The following HDAC9 variants were observed in gnomAD, a reference collection of about 807,000 sequenced individuals.
The protein encoded by HDAC9 is histone deacetylase 9, also known as MEF-2 interacting transcription repressor (MITR) protein.
A neutral mutation model predicts 139.4 loss-of-function variants in HDAC9; 41 were observed. The observed-to-expected ratio is 0.29, with a 90% CI of 0.23 to 0.38. The LOEUF (loss-of-function observed/expected upper bound fraction) is 0.38. HDAC9 is among the 10% of genes least tolerant of loss of function. HDAC9 has a pLI of 1.00. For synonymous variants in HDAC9, 517 were observed against 476.2 expected (o/e 1.09, Z -1.12); for missense variants, 1,147 against 1,297.0 (o/e 0.88, Z 1.78).
rs187066116 is a variant in HDAC9, at chr7:18,865,186, G to A, written c.2685-9292G>A. Among the ~76,000 whole-genome samples, 11 of 152,298 alleles carry A rather than the reference G, an allele frequency of 7.2e-5. No homozygotes were observed. The East Asian group carries it at 7.7e-4, about 11-fold the overall frequency. On this transcript the variant is annotated intron_variant, in intron 21 of 25. Coordinates refer to ENST00000686413, the MANE Select transcript of HDAC9 (RefSeq NM_178425.4). ...GTAAAGAGGTAGTATGGGCCCCTCT[G>A]AGGAGGCCATGGCTGTGATCCAGGT... is the stretch of plus-strand genomic sequence containing the variant.
intron 16 of HDAC9, among the ~76,000 whole-genome samples, chr7:18,777,978 T>C (rs145894603): frequency 9.4e-4 from 143 of 152,032 alleles, no homozygotes; most frequent in South Asian, 4.4e-3. Context: ...TTGCTAAAGA[T>C]GCAATTGAAG....
In HDAC9 at chr7:18,585,333, C is replaced by G. The variant is rs779652721; in HGVS notation, c.75C>G (p.Asp25Glu). ...GCCTGGAGCCCATCTCACCTTTAGA[C>G]CTAAGGACAGACCTCAGGATGATGA... ...PVGLEPISPL[D>E]LRTDLRMMMP... The change falls in exon 3 of 26, where the codon GAC becomes GAG. Residue 25 changes from aspartate (D) to glutamate (E), a missense_variant. By Grantham distance (45) the Asp-to-Glu change is conservative. Around this residue, in one of 7 missense-constraint regions of HDAC9, gnomAD observed 136 missense variants for 183.5 expected, o/e 0.74. Transcript: ENST00000686413. 2 of 1,607,168 alleles carry G rather than the reference C, an allele frequency of 1.2e-6. No homozygotes were observed. The highest frequency in any genetic ancestry group is 4.5e-5 in the East Asian group (2 of 44,392).
chr7:18,114,190 A>C (rs550366754), intron 1 of HDAC9, among the ~76,000 whole-genome samples: 1 of 152,242 alleles, frequency 6.6e-6, no homozygotes. Flanking sequence ...TGTTCAAGGT[A>C]GAAAAAGAGG....
At chr7:18,870,248 C>G (rs1336728171) in intron 21 of HDAC9, among the ~76,000 whole-genome samples, 8 of 152,270 alleles carry the variant, frequency 5.3e-5, no homozygotes, top group Non-Finnish European at 1.2e-4. Flanking sequence ...AGAATCCAAT[C>G]CAGCATACTG....
chr7:18,366,055 C>T (rs1195200261), intron 1 of HDAC9, among the ~76,000 whole-genome samples: 1 of 150,752 alleles, frequency 6.6e-6, no homozygotes, highest in African/African-American at 2.5e-5. Context: ...AAATGGCAGG[C>T]TATTTGAAAA....
chr7:18,644,445 T>G (rs1461299391), intron 8 of HDAC9, among the ~76,000 whole-genome samples: 1 of 152,114 alleles, frequency 6.6e-6, no homozygotes, highest in Non-Finnish European at 1.5e-5. Context: ...ATAAATGAAT[T>G]TGCAAAAAAT....
intron 6 of HDAC9, among the ~76,000 whole-genome samples, chr7:18,620,915 A>G (rs964591498): frequency 1.3e-5 from 2 of 152,128 alleles, no homozygotes; most frequent in African/African-American, 4.8e-5. Flanking sequence ...TTCTATTTAC[A>G]TTGATAGAAG....
At chr7:18,307,098 TG>T (rs1410531959) in intron 1 of HDAC9, among the ~76,000 whole-genome samples, 23 of 6,166 alleles carry the variant, frequency 3.7e-3, no homozygotes, top group African/African-American at 0.027. Context: ...GGGCAGTTCT[TG>T]TGTGTGTGTG....
intron 21 of HDAC9, among the ~76,000 whole-genome samples, chr7:18,849,553 A>G (rs1036190594): frequency 1.3e-5 from 2 of 152,220 alleles, no homozygotes; most frequent in Non-Finnish European, 2.9e-5. Context: ...GATATGACAC[A>G]TAAAAAAGAT....
chr7:18,902,632 A>G (rs907944436), intron 22 of HDAC9, among the ~76,000 whole-genome samples: 5 of 152,176 alleles, frequency 3.3e-5, no homozygotes, highest in Admixed American at 6.5e-5. Context: ...GGGCAGGGGG[A>G]AATGATTGAA....
At chr7:18,675,850 A>G (rs1041389751) in intron 12 of HDAC9, among the ~76,000 whole-genome samples, 1 of 151,922 alleles carries the variant, frequency 6.6e-6, no homozygotes, top group African/African-American at 2.4e-5. Context: ...CTGTGAGTAC[A>G]TTACTCCTCT....
intron 22 of HDAC9, among the ~76,000 whole-genome samples, chr7:18,929,500 C>CT (rs1436294284): frequency 6.6e-6 from 1 of 151,886 alleles, no homozygotes; most frequent in African/African-American, 2.4e-5. Flanking sequence ...CCTTCTCATG[C>CT]TTATAATTTA....
chr7:18,834,214 G>A (rs1211218939), intron 19 of HDAC9, among the ~76,000 whole-genome samples: 9 of 152,098 alleles, frequency 5.9e-5, no homozygotes, highest in African/African-American at 1.4e-4. Context: ...TATAAAGTAA[G>A]TATATAGTTA....
chr7:18,892,775 C>T (rs1800797797), intron 22 of HDAC9: 2 of 152,004 alleles, frequency 1.3e-5, no homozygotes, highest in African/African-American at 2.4e-5. Context: ...ATTCTGAAGG[C>T]TCAGGAAGGT....
chr7:18,723,189 C>A (rs960706434), intron 12 of HDAC9, among the ~76,000 whole-genome samples: 28 of 152,052 alleles, frequency 1.8e-4, no homozygotes, highest in Non-Finnish European at 3.2e-4. Flanking sequence ...TTGTTTTATC[C>A]TATCCTTATA....
At chr7:18,668,291 G>A (rs1795388982) in intron 12 of HDAC9, 1 of 959,236 alleles carries the variant, frequency 1.0e-6, no homozygotes, top group Non-Finnish European at 1.2e-6. Context: ...ACATATTTTG[G>A]TTAGTATATT....
At chr7:18,640,207 G>A (rs1310381734) in intron 8 of HDAC9, among the ~76,000 whole-genome samples, 3 of 150,734 alleles carry the variant, frequency 2.0e-5, no homozygotes, top group African/African-American at 7.3e-5. Context: ...AGACGAGCCT[G>A]GGCAACATAG....
chr7:18,252,028 T>C (rs1332237925), intron 2 of HDAC9, among the ~76,000 whole-genome samples: 1 of 152,144 alleles, frequency 6.6e-6, no homozygotes, highest in Non-Finnish European at 1.5e-5. Context: ...TAATTACAAA[T>C]AGCAAATAAT....
intron 12 of HDAC9, among the ~76,000 whole-genome samples, chr7:18,722,935 A>T (rs1785248196): frequency 6.6e-6 from 1 of 151,966 alleles, no homozygotes; most frequent in South Asian, 2.1e-4. Context: ...AACATTTACC[A>T]TTTTTTTTAA....
Sources: gnomAD v4.1 joint callset for allele counts (sites outside exome capture counted in the v4.1 genomes callset) on GRCh38, gnomAD v4.1.1 for gene constraint, gnomAD v4.1.1 regional missense constraint, MANE v1.5 for transcripts, NCBI Gene and HGNC (gene_info 2026-07-23, HGNC 2026-07-21) for gene names.